Variants in PPP3CB observed in about 807,000 individuals in gnomAD.
PPP3CB encodes protein phosphatase 3 catalytic subunit beta.
Under a neutral mutation model 66.4 loss-of-function variants are expected in PPP3CB, and 8 were observed. That is an observed-to-expected ratio of 0.12 (90% CI 0.07 to 0.22). The LOEUF is 0.22. Among genes scored for constraint, PPP3CB ranks in the 10% least tolerant of loss-of-function variants. The pLI is 1.00. For missense variants in PPP3CB, 319 were observed against 642.5 expected (o/e 0.50, Z 5.44); for synonymous variants, 208 against 221.2 (o/e 0.94, Z 0.53).
intron 4 of PPP3CB, among the ~76,000 whole-genome samples, chr10:73,473,177 T>A (rs1417063520): frequency 6.6e-6 from 1 of 152,202 alleles, no homozygotes; most frequent in Non-Finnish European, 1.5e-5. Context: ...AACTGCCTGA[T>A]CCTTGAAGTT....
At chr10:73,493,004 G>C (rs1224226481) in intron 1 of PPP3CB, among the ~76,000 whole-genome samples, 1 of 152,094 alleles carries the variant, frequency 6.6e-6, no homozygotes, top group East Asian at 1.9e-4. Flanking sequence ...GGCCGGGCGC[G>C]GTGGCTCACG....
chr10:73,452,396 T>C (rs2056361065), intron 10 of PPP3CB, among the ~76,000 whole-genome samples: 1 of 152,098 alleles, frequency 6.6e-6, no homozygotes, highest in African/African-American at 2.4e-5. Flanking sequence ...ACAAAATATC[T>C]ATTTGAAACT....
At chr10:73,486,125 T>C (rs545452972) in intron 1 of PPP3CB, among the ~76,000 whole-genome samples, 58 of 151,062 alleles carry the variant, frequency 3.8e-4, no homozygotes, top group Middle Eastern at 3.4e-3. Flanking sequence ...TTTGTATTTT[T>C]AGTAGAGACG....
chr10:73,479,044 T>C (rs1199506603), intron 2 of PPP3CB, among the ~76,000 whole-genome samples: 1 of 152,220 alleles, frequency 6.6e-6, no homozygotes, highest in African/African-American at 2.4e-5. Context: ...GAAAGCAAAG[T>C]AAGTATTGAT....
At chr10:73,459,533 C>T (rs536677706) in intron 9 of PPP3CB, among the ~76,000 whole-genome samples, 1 of 152,326 alleles carries the variant, frequency 6.6e-6, no homozygotes, top group Admixed American at 6.5e-5. Flanking sequence ...TTCTTCGCAG[C>T]ATTATTAGTA....
At chr10:73,445,753 T>C (rs1224764348) in intron 11 of PPP3CB, among the ~76,000 whole-genome samples, 1 of 148,576 alleles carries the variant, frequency 6.7e-6, no homozygotes, top group East Asian at 2.0e-4. Context: ...AGTACCCTTT[T>C]TTTTTTTTTT....
intron 9 of PPP3CB, among the ~76,000 whole-genome samples, chr10:73,455,897 C>T (rs2056419577): frequency 6.6e-6 from 1 of 152,204 alleles, no homozygotes; most frequent in Non-Finnish European, 1.5e-5. Context: ...CATTTGTATA[C>T]TGTATGTTTC....
At chr10:73,483,769 G>A (rs772350273) in intron 1 of PPP3CB, among the ~76,000 whole-genome samples, 1 of 152,140 alleles carries the variant, frequency 6.6e-6, no homozygotes, top group Admixed American at 6.5e-5. Context: ...GAGACCTGAC[G>A]GGGCAAAAGA....
At chr10:73,495,767 C>G in intron 1 of PPP3CB, 38 bp downstream of exon 1, 4 of 1,552,580 alleles carry the variant, frequency 2.6e-6, no homozygotes, top group Admixed American at 3.5e-5. Context: ...ACAGCTAGCT[C>G]TTCAGGCCAG....
At chr10:73,449,072 G>A (rs1330142649) in intron 10 of PPP3CB, among the ~76,000 whole-genome samples, 5 of 152,194 alleles carry the variant, frequency 3.3e-5, no homozygotes, top group African/African-American at 1.2e-4. Flanking sequence ...CTAAGGAAAT[G>A]TGTCACCTGT....
intron 1 of PPP3CB, among the ~76,000 whole-genome samples, chr10:73,489,900 G>A (rs985771154): frequency 6.6e-6 from 1 of 151,946 alleles, no homozygotes; most frequent in Non-Finnish European, 1.5e-5. Flanking sequence ...CATCCTTCAA[G>A]GACTACCTCG....
intron 1 of PPP3CB, among the ~76,000 whole-genome samples, chr10:73,486,765 T>C (rs1280510371): frequency 6.6e-6 from 1 of 152,236 alleles, no homozygotes; most frequent in African/African-American, 2.4e-5. Context: ...CAGCATTCTC[T>C]TAGCTCCGCA....
At chr10:73,454,336 A>G in intron 10 of PPP3CB, 76 bp downstream of exon 10, 5 of 1,083,562 alleles carry the variant, frequency 4.6e-6, no homozygotes, top group Non-Finnish European at 6.7e-6. Flanking sequence ...TTTGCAAAAT[A>G]GTGTGTACTG....
intron 3 of PPP3CB, chr10:73,477,139 A>G (rs1395890891): frequency 1.9e-6 from 1 of 516,960 alleles, no homozygotes; most frequent in Non-Finnish European, 3.9e-6. Context: ...TATAAAATGA[A>G]TAAAACAACA....
chr10:73,438,623 T>C (rs1318992897), intron 13 of PPP3CB, among the ~76,000 whole-genome samples: 1 of 152,172 alleles, frequency 6.6e-6, no homozygotes, highest in Non-Finnish European at 1.5e-5. Context: ...ATCATAGCTT[T>C]ATAGGTGACA....
intron 1 of PPP3CB, among the ~76,000 whole-genome samples, chr10:73,493,746 T>G (rs1048797791): frequency 5.9e-5 from 9 of 152,192 alleles, no homozygotes; most frequent in Non-Finnish European, 1.0e-4. Context: ...ATGATAACCA[T>G]AAGCTTTATT....
intron 10 of PPP3CB, among the ~76,000 whole-genome samples, chr10:73,451,742 C>CTTTTTTTTTTT (rs765483729): frequency 8.0e-6 from 1 of 124,614 alleles, no homozygotes; most frequent in Non-Finnish European, 1.7e-5. Flanking sequence ...TCACTCATCT[C>CTTTTTTTTTTT]TTTTTTTTTT....
intron 5 of PPP3CB, 50 bp from the exon 6 acceptor site, chr10:73,471,259 G>C (rs376472888): frequency 3.3e-6 from 5 of 1,524,246 alleles, no homozygotes; most frequent in Non-Finnish European, 4.5e-6. Context: ...AAAAAGTAAG[G>C]ATAAAATGTG....
intron 12 of PPP3CB, among the ~76,000 whole-genome samples, chr10:73,443,282 A>AGACAGACAGAC (rs1564547013): frequency 4.4e-5 from 5 of 112,630 alleles, no homozygotes; most frequent in African/African-American, 1.3e-4. Flanking sequence ...GAAAGAAAGA[A>AGACAGACAGAC]AGACAGAAAG....
Sources: allele counts gnomAD v4.1 joint callset (sites outside exome capture counted in the v4.1 genomes callset), GRCh38; gene constraint gnomAD v4.1.1; transcripts MANE v1.5; gene names NCBI Gene and HGNC (gene_info 2026-07-23, HGNC 2026-07-21).